The following SAMD3 variants were observed in gnomAD, a reference collection of about 807,000 sequenced individuals.
The protein encoded by SAMD3 is sterile alpha motif domain containing 3, also known as sterile alpha motif domain-containing protein 3.
SAMD3 carries 63 observed loss-of-function variants against 58.5 expected under a neutral mutation model. That is an observed-to-expected ratio of 1.08 (90% CI 0.88 to 1.33). The LOEUF (loss-of-function observed/expected upper bound fraction) is 1.33. Among genes scored for constraint, SAMD3 ranks in the 40% most tolerant of loss-of-function variants. The pLI is 0.00. For synonymous variants in SAMD3, 220 were observed against 210.3 expected (o/e 1.05, Z -0.40); for missense variants, 604 against 608.4 (o/e 0.99, Z 0.08).
intron 1 of SAMD3, among the ~76,000 whole-genome samples, chr6:130,338,461 G>C (rs950633297): frequency 6.6e-6 from 1 of 152,192 alleles, no homozygotes; most frequent in African/African-American, 2.4e-5. Context: ...TGTGAGAAGA[G>C]AGCCACCATC....
At chr6:130,264,852 T>C (rs555253207) in intron 2 of SAMD3, among the ~76,000 whole-genome samples, 1 of 150,238 alleles carries the variant, frequency 6.7e-6, no homozygotes, top group East Asian at 1.9e-4. Flanking sequence ...ACCCTATGTG[T>C]CAGAAAAAAA....
chr6:130,213,317 T>C (rs558771368), intron 4 of SAMD3, among the ~76,000 whole-genome samples: 51 of 145,536 alleles, frequency 3.5e-4, no homozygotes, highest in Non-Finnish European at 5.0e-4. Context: ...AAAAAGCTTT[T>C]TTTTTTTTAA....
chr6:130,157,659 A>T (rs997437626), intron 8 of SAMD3, among the ~76,000 whole-genome samples: 1 of 152,206 alleles, frequency 6.6e-6, no homozygotes, highest in Admixed American at 6.5e-5. Context: ...TTTTAAAAGA[A>T]TAATCTTTAA....
At chr6:130,260,367 G>T (rs1774078530) in intron 2 of SAMD3, among the ~76,000 whole-genome samples, 1 of 152,176 alleles carries the variant, frequency 6.6e-6, no homozygotes, top group Non-Finnish European at 1.5e-5. Flanking sequence ...TTCCTGGTCT[G>T]TTCTGTTTCA....
intron 8 of SAMD3, among the ~76,000 whole-genome samples, chr6:130,174,657 T>C (rs972976532): frequency 2.6e-5 from 4 of 152,228 alleles, no homozygotes; most frequent in Admixed American, 1.3e-4. Context: ...ACATAAAAGA[T>C]TGCCAAATAA....
chr6:130,284,363 G>A (rs925249379), intron 2 of SAMD3, among the ~76,000 whole-genome samples: 7 of 152,022 alleles, frequency 4.6e-5, no homozygotes, highest in Non-Finnish European at 1.0e-4. Context: ...CTTAAAAACA[G>A]AAACTGATCA....
chr6:130,172,324 G>C (rs574424755), intron 8 of SAMD3, among the ~76,000 whole-genome samples: 3 of 152,156 alleles, frequency 2.0e-5, no homozygotes, highest in Non-Finnish European at 4.4e-5. Context: ...ATTTTGGTTT[G>C]TTTTTGCAGT....
At chr6:130,174,940 T>C (rs1291078008) in intron 8 of SAMD3, among the ~76,000 whole-genome samples, 2 of 152,372 alleles carry the variant, frequency 1.3e-5, no homozygotes, top group East Asian at 3.9e-4. Flanking sequence ...CTATGGATCT[T>C]ATAACTAGCA....
chr6:130,194,492 G>C (rs1029069056), intron 5 of SAMD3, among the ~76,000 whole-genome samples: 6 of 152,244 alleles, frequency 3.9e-5, no homozygotes, highest in African/African-American at 1.4e-4. Context: ...GAAAAAAGTT[G>C]CAATTCCTTG....
chr6:130,236,565 GTAGAGA>G (rs1181893698), intron 2 of SAMD3, among the ~76,000 whole-genome samples: 1 of 152,032 alleles, frequency 6.6e-6, no homozygotes, highest in Non-Finnish European at 1.5e-5. Context: ...TGTGTTTTTA[GTAGAGA>G]TGAGGTTTCA....
intron 2 of SAMD3, among the ~76,000 whole-genome samples, chr6:130,253,080 G>A (rs1380555809): frequency 6.6e-6 from 1 of 152,176 alleles, no homozygotes; most frequent in African/African-American, 2.4e-5. Flanking sequence ...ACAACCTAGT[G>A]AAGTTCAGTT....
In SAMD3 at chr6:130,175,924, A is replaced by T. The variant is rs1364069036; in HGVS notation, c.739T>A (p.Cys247Ser). The T allele has an allele frequency of 6.2e-7, 1 of 1,612,930 alleles. No homozygotes were observed. The highest frequency in any genetic ancestry group is 1.3e-5 in the African/African-American group (1 of 74,864). ...EDDEQVIRNK[C>S]KFGHRRGQTR... ...TGGCCTCTTCGGTGTCCAAATTTACACTTATTTCTAATCACTTGCTCATCA... is the reference window on the plus strand; with the variant it reads ...TGGCCTCTTCGGTGTCCAAATTTACTCTTATTTCTAATCACTTGCTCATCA... The change falls in exon 8 of 12, where the codon TGT becomes AGT. Residue 247 changes from cysteine to serine, a missense_variant. Physicochemically the swap from Cys to Ser is moderately radical, Grantham distance 112. Coordinates refer to ENST00000439090, the MANE Select transcript of SAMD3 (RefSeq NM_001017373.4).
chr6:130,247,607 A>G (rs1413578889), intron 2 of SAMD3, among the ~76,000 whole-genome samples: 1 of 152,200 alleles, frequency 6.6e-6, no homozygotes, highest in African/African-American at 2.4e-5. Flanking sequence ...AAACACAACC[A>G]TGGGACCACC....
At chr6:130,355,977 T>C (rs1484191023) in intron 1 of SAMD3, among the ~76,000 whole-genome samples, 1 of 152,254 alleles carries the variant, frequency 6.6e-6, no homozygotes, top group Non-Finnish European at 1.5e-5. Flanking sequence ...TTTTCCTTGC[T>C]ACAGCCTTTT....
intron 2 of SAMD3, among the ~76,000 whole-genome samples, chr6:130,241,750 T>A (rs1441976074): frequency 1.3e-5 from 2 of 152,154 alleles, no homozygotes; most frequent in Non-Finnish European, 2.9e-5. Flanking sequence ...GATGTTATCA[T>A]CTGTCCCTGA....
chr6:130,144,977 C>T (rs549001979), intron 11 of SAMD3, among the ~76,000 whole-genome samples, 173 bp from the exon 12 acceptor site: 5 of 152,184 alleles, frequency 3.3e-5, no homozygotes, highest in Admixed American at 6.5e-5. Flanking sequence ...TAAGTTATCG[C>T]GGTTGGGCTC....
Position 130,326,367 on chromosome 6 carries a change from A to ATTTTTTTTTT in SAMD3, c.-303-13284_-303-13275dup, listed in dbSNP as rs537066801. 3.4e-3 allele frequency among the ~76,000 whole-genome samples: 439 copies of ATTTTTTTTTT among 128,754 alleles called. 14 individuals are homozygous for ATTTTTTTTTT. Among genetic ancestry groups the ATTTTTTTTTT allele is most frequent in the African/African-American group, 0.011 (373 of 34,370 alleles). The allele number at this position is 128,754 out of a possible 152,430, so 84.5% of individuals were successfully genotyped here. On this transcript the variant is annotated intron_variant, in intron 1 of 13. Transcript: ENST00000368134. ...TTTCCATCTCTAGAAATGCCTGGTC[A>ATTTTTTTTTT]TTTTTTTTTTTTTTTTGCAAACTTC...
At chr6:130,244,632 C>T (rs948212629) in intron 2 of SAMD3, among the ~76,000 whole-genome samples, 4 of 151,896 alleles carry the variant, frequency 2.6e-5, no homozygotes, top group East Asian at 1.9e-4. Context: ...CCCAGCTACT[C>T]GGGAGGCCGA....
intron 2 of SAMD3, among the ~76,000 whole-genome samples, chr6:130,303,899 TC>T (rs767401415): frequency 5.9e-5 from 9 of 152,232 alleles, no homozygotes; most frequent in Non-Finnish European, 1.2e-4. Flanking sequence ...CCAGTTTTTT[TC>T]GTGTTTTTAT....
Sources: gnomAD v4.1 joint callset for allele counts (sites outside exome capture counted in the v4.1 genomes callset) on GRCh38, gnomAD v4.1.1 for gene constraint, MANE v1.5 for transcripts, NCBI Gene and HGNC (gene_info 2026-07-23, HGNC 2026-07-21) for gene names.